RYR3: variants seen among roughly 807,000 people sequenced by gnomAD.
The protein encoded by RYR3 is brain ryanodine receptor-calcium release channel.
In RYR3, 207 loss-of-function variants were observed where a neutral mutation model predicts 584.3. That is an observed-to-expected ratio of 0.35 (90% CI 0.32 to 0.40). The LOEUF (loss-of-function observed/expected upper bound fraction) is 0.40, where lower values mean the gene tolerates loss of function less well. Ranked by LOEUF, RYR3 falls within the 10% of genes least tolerant of loss-of-function variation. The pLI, the probability that RYR3 is intolerant of heterozygous loss-of-function variation, is 1.00. For missense variants in RYR3, 5,616 were observed against 6,089.2 expected, an observed-to-expected ratio of 0.92 and a Z score of 2.59; for synonymous variants, 2,416 against 2,248.5, an observed-to-expected ratio of 1.07 and a Z score of -2.11.
At chr15:33,653,669 CAAA>C (rs35053294) in intron 32 of RYR3, among the ~76,000 whole-genome samples, 1 of 143,886 alleles carries the variant, frequency 6.9e-6, no homozygotes, top group Non-Finnish European at 1.5e-5. Flanking sequence ...GACTCCATCT[CAAA>C]AAAAAAAAAA....
rs113222462 is a variant in RYR3 at position 33,577,397 on chromosome 15, A to T, written c.1269-2579A>T. Among the ~76,000 whole-genome samples the T allele has an allele frequency of 4.0e-3, 605 of 152,374 alleles. 4 individuals are homozygous for T. Among genetic ancestry groups the T allele is most frequent in the African/African-American group, 0.014 (565 of 41,588 alleles). On this transcript the variant is annotated intron_variant, in intron 12 of 103. Coordinates refer to ENST00000634891, the MANE Select transcript of RYR3 (RefSeq NM_001036.6). Reference sequence around the variant, plus strand: ...ATAAGGCTACAGTAACCAAAACAGCATGATACTGATACAAAAACAAACACA... The same window carrying T: ...ATAAGGCTACAGTAACCAAAACAGCTTGATACTGATACAAAAACAAACACA...
At chr15:33,859,462 C>G (rs1172110739) in intron 99 of RYR3, 113 bp from the exon 100 acceptor site, 2 of 1,165,396 alleles carry the variant, frequency 1.7e-6, no homozygotes, top group African/African-American at 1.5e-5. Context: ...AAGAGTTCCC[C>G]TCTCGTGGCT....
At chr15:33,644,594 C>A in intron 28 of RYR3, 75 bp downstream of exon 28, 1 of 1,085,970 alleles carries the variant, frequency 9.2e-7, no homozygotes, top group Non-Finnish European at 1.4e-6. Context: ...AGTCTCCTGT[C>A]AACAGGCAGC....
chr15:33,411,162 T>C (rs2043378892), intron 1 of RYR3, among the ~76,000 whole-genome samples: 1 of 152,168 alleles, frequency 6.6e-6, no homozygotes, highest in African/African-American at 2.4e-5. Flanking sequence ...TACTTCTAAG[T>C]GCCCCCTACC....
intron 26 of RYR3, 55 bp from the exon 27 acceptor site, chr15:33,636,321 C>G (rs2061497670): frequency 6.8e-7 from 1 of 1,463,114 alleles, no homozygotes; most frequent in African/African-American, 1.4e-5. Flanking sequence ...ATTTCTCCAG[C>G]TGCTGGGGCC....
intron 1 of RYR3, among the ~76,000 whole-genome samples, chr15:33,395,633 A>G (rs1222599225): frequency 6.6e-6 from 1 of 152,184 alleles, no homozygotes; most frequent in East Asian, 1.9e-4. Flanking sequence ...AAGTCCTTCC[A>G]CTGTGCCTGG....
chr15:33,321,053 G>A (rs1315376322), intron 1 of RYR3, among the ~76,000 whole-genome samples: 5 of 152,154 alleles, frequency 3.3e-5, no homozygotes. Context: ...ACTTTGCAAA[G>A]CCTCTTGATG....
chr15:33,770,773 T>C (rs886920627), intron 62 of RYR3, among the ~76,000 whole-genome samples: 47 of 152,200 alleles, frequency 3.1e-4, no homozygotes, highest in Middle Eastern at 3.4e-3. Context: ...TGAATACTTA[T>C]AGGATAAGAA....
chr15:33,619,736 C>T (rs2060622324), intron 19 of RYR3, among the ~76,000 whole-genome samples: 1 of 152,202 alleles, frequency 6.6e-6, no homozygotes, highest in Non-Finnish European at 1.5e-5. Context: ...AGCTGCTTCT[C>T]CACATTGGTC....
At chr15:33,383,764 A>G (rs576004369) in intron 1 of RYR3, among the ~76,000 whole-genome samples, 1 of 152,284 alleles carries the variant, frequency 6.6e-6, no homozygotes, top group South Asian at 2.1e-4. Flanking sequence ...ATTGCTAGGT[A>G]TATACCCAAA....
chr15:33,316,549 A>T (rs929657397), intron 1 of RYR3, among the ~76,000 whole-genome samples: 4 of 152,210 alleles, frequency 2.6e-5, no homozygotes, highest in African/African-American at 4.8e-5. Flanking sequence ...GTAATAATAA[A>T]AAAAAATGAG....
chr15:33,410,725 G>A (rs1202901046), intron 1 of RYR3, among the ~76,000 whole-genome samples: 1 of 152,204 alleles, frequency 6.6e-6, no homozygotes, highest in Admixed American at 6.5e-5. Context: ...GGCAGTGGGT[G>A]GAAGGCCACG....
intron 40 of RYR3, among the ~76,000 whole-genome samples, chr15:33,699,146 AG>A (rs2152769494): frequency 6.6e-6 from 1 of 152,172 alleles, no homozygotes; most frequent in South Asian, 2.1e-4. Context: ...GTAACTGTAG[AG>A]GCCAGCCTTG....
rs370731653 is a variant in RYR3 at position 33,492,978 on chromosome 15, A to G, written c.172-10653A>G. Among the ~76,000 whole-genome samples the G allele has an allele frequency of 5.9e-5, 9 of 152,286 alleles. No homozygotes were observed. The East Asian group carries it at 1.7e-3, about 29-fold the overall frequency. ...ATGGTTTGTAAATTCTGTAGCAACTATATCATCATTCCAGAGGGAGGAGGG... is the reference window on the plus strand; with the variant it reads ...ATGGTTTGTAAATTCTGTAGCAACTGTATCATCATTCCAGAGGGAGGAGGG... On this transcript the variant is annotated intron_variant, in intron 2 of 103. Coordinates refer to ENST00000634891, the MANE Select transcript of RYR3 (RefSeq NM_001036.6).
chr15:33,798,806 A>C (rs1425280388), intron 67 of RYR3, among the ~76,000 whole-genome samples: 1 of 152,210 alleles, frequency 6.6e-6, no homozygotes, highest in Admixed American at 6.5e-5. Context: ...TTAGATAAGA[A>C]TGTCCCTGAG....
At chr15:33,858,402 T>A (rs1040603155) in intron 99 of RYR3, among the ~76,000 whole-genome samples, 5 of 152,026 alleles carry the variant, frequency 3.3e-5, no homozygotes, top group Non-Finnish European at 5.9e-5. Context: ...TGATGGGGTT[T>A]CTCTATGTTG....
intron 80 of RYR3, among the ~76,000 whole-genome samples, chr15:33,822,547 T>A (rs1168228295): frequency 6.6e-6 from 1 of 152,238 alleles, no homozygotes; most frequent in Non-Finnish European, 1.5e-5. Flanking sequence ...TTTGTTTATT[T>A]TTTAAAAAAC....
intron 90 of RYR3, among the ~76,000 whole-genome samples, chr15:33,841,414 C>A (rs2078355287): frequency 6.6e-6 from 1 of 152,128 alleles, no homozygotes; most frequent in African/African-American, 2.4e-5. Flanking sequence ...ACTAGCAGAT[C>A]AGAGTTTCAC....
intron 94 of RYR3, chr15:33,852,008 A>C (rs1393864515): frequency 1.5e-5 from 2 of 130,006 alleles, no homozygotes; most frequent in African/African-American, 2.9e-5. Flanking sequence ...TTAACAAACC[A>C]AAAAAAAAAA....
Sources: gnomAD v4.1 joint callset for allele counts (sites outside exome capture counted in the v4.1 genomes callset) on GRCh38, gnomAD v4.1.1 for gene constraint, MANE v1.5 for transcripts, NCBI Gene and HGNC (gene_info 2026-07-23, HGNC 2026-07-21) for gene names.